The following RAPH1 variants were observed in gnomAD, a reference collection of about 807,000 sequenced individuals.
RAPH1 encodes the protein ras-associated and pleckstrin homology domains-containing protein 1.
In RAPH1, 18 loss-of-function variants were observed where a neutral mutation model predicts 88.1. That is an observed-to-expected ratio of 0.20 (90% confidence interval 0.14 to 0.30). The LOEUF (loss-of-function observed/expected upper bound fraction) is 0.30. RAPH1 is among the 10% of genes least tolerant of loss of function. The pLI, the probability that RAPH1 is intolerant of heterozygous loss-of-function variation, is 1.00. For missense variants in RAPH1, 1,448 were observed against 1,543.2 expected (o/e 0.94, Z 1.03); for synonymous variants, 587 against 559.0 (o/e 1.05, Z -0.71).
At chr2:203,458,111 C>T (rs2098521263) in intron 7 of RAPH1, among the ~76,000 whole-genome samples, 1 of 152,100 alleles carries the variant, frequency 6.6e-6, no homozygotes. Flanking sequence ...GTGGCTCACA[C>T]CTGTAATCCC....
intron 1 of RAPH1, among the ~76,000 whole-genome samples, chr2:203,523,415 A>G (rs1470230364): frequency 6.6e-6 from 1 of 151,100 alleles, no homozygotes; most frequent in Admixed American, 6.6e-5. Flanking sequence ...AAACCACGTC[A>G]GAACTGAGGT....
At chr2:203,441,466 C>T in intron 13 of RAPH1, 53 bp from the exon 14 acceptor site, 2 of 1,484,184 alleles carry the variant, frequency 1.3e-6, no homozygotes, top group Middle Eastern at 2.4e-4. Context: ...ACAAACAAAA[C>T]AGTTACAGAG....
intron 1 of RAPH1, among the ~76,000 whole-genome samples, chr2:203,505,398 TCACAAGACTAG>T (rs1348010015): frequency 8.6e-5 from 13 of 151,832 alleles, no homozygotes; most frequent in Non-Finnish European, 1.9e-4. Flanking sequence ...TTATTCACTA[TCACAAGACTAG>T]CACAAGAAAG....
chr2:203,444,816 A>G, intron 13 of RAPH1, 52 bp downstream of exon 13: 1 of 1,564,324 alleles, frequency 6.4e-7, no homozygotes, highest in Non-Finnish European at 8.8e-7. Flanking sequence ...AACAATTTAA[A>G]CCCAAAAGAA....
chr2:203,515,745 G>A (rs1234009815), intron 1 of RAPH1, among the ~76,000 whole-genome samples: 1 of 152,190 alleles, frequency 6.6e-6, no homozygotes, highest in Non-Finnish European at 1.5e-5. Context: ...AGTGTTGAGA[G>A]AAACCAACCA....
At chr2:203,442,472 G>A (rs534547344) in intron 13 of RAPH1, 4 of 156,932 alleles carry the variant, frequency 2.5e-5, no homozygotes, top group African/African-American at 9.6e-5. Context: ...CTCATTATAG[G>A]GCTGAATTCT....
intron 1 of RAPH1, among the ~76,000 whole-genome samples, chr2:203,502,742 C>A (rs1688792023): frequency 6.7e-6 from 1 of 149,372 alleles, no homozygotes; most frequent in African/African-American, 2.5e-5. Flanking sequence ...ATGGCGTGAA[C>A]CCTGGAGGTG....
intron 1 of RAPH1, among the ~76,000 whole-genome samples, chr2:203,503,036 C>A (rs917448393): frequency 1.3e-5 from 2 of 151,822 alleles, no homozygotes; most frequent in Non-Finnish European, 2.9e-5. Context: ...CCCAGCTACT[C>A]GGGAGGCTGA....
chr2:203,496,482 A>C (rs1402909051), intron 1 of RAPH1, among the ~76,000 whole-genome samples: 1 of 152,234 alleles, frequency 6.6e-6, no homozygotes, highest in East Asian at 1.9e-4. Flanking sequence ...GATAAATATA[A>C]ATATTTCAAT....
chr2:203,506,780 CTAGA>C (rs1461420528), intron 1 of RAPH1, among the ~76,000 whole-genome samples: 6 of 77,686 alleles, frequency 7.7e-5, no homozygotes, highest in African/African-American at 2.7e-4. Flanking sequence ...CTATATATAT[CTAGA>C]TATATATATC....
At chr2:203,513,292 CTATT>C (rs1379283937) in intron 1 of RAPH1, among the ~76,000 whole-genome samples, 2 of 149,994 alleles carry the variant, frequency 1.3e-5, no homozygotes, top group African/African-American at 4.9e-5. Context: ...TGAATTTCTA[CTATT>C]TAATTACTGA....
chr2:203,527,337 C>A (rs1160779623), intron 1 of RAPH1, among the ~76,000 whole-genome samples: 6 of 152,068 alleles, frequency 3.9e-5, no homozygotes, highest in Non-Finnish European at 8.8e-5. Flanking sequence ...CATAAGTATT[C>A]TGGTATTAAA....
chr2:203,461,352 C>G lies in RAPH1; in HGVS notation c.867G>C (p.Glu289Asp), dbSNP rs759600523. The G allele has an allele frequency of 9.9e-6, 16 of 1,610,698 alleles. No individual in the cohort carries two copies. In the South Asian group the frequency reaches 1.5e-4, roughly 16 times the overall value. The change falls in exon 6 of 14, where the codon GAG becomes GAC. Residue 289 changes from glutamate to aspartate, a missense_variant. Physicochemically the swap from Glu to Asp is conservative, Grantham distance 45 (BLOSUM62 2). Around this residue, in one of 2 missense-constraint regions of RAPH1, gnomAD observed 513 missense variants for 653.1 expected, o/e 0.79. Coordinates refer to ENST00000319170, the MANE Select transcript of RAPH1 (RefSeq NM_213589.3). Reference protein sequence around the residue: ...DDSSKTMMVDERQTVRQVLDN... With the variant: ...DDSSKTMMVDDRQTVRQVLDN... ...CCAGTACTTGTCTTACTGTCTGCCT[C>G]TCATCCACCATCATTGTTTTAGAAC...
intron 2 of RAPH1, 94 bp from the exon 3 acceptor site, chr2:203,491,413 C>T: frequency 2.7e-6 from 2 of 745,702 alleles, no homozygotes; most frequent in Admixed American, 2.8e-5. Flanking sequence ...TGAACTGCCA[C>T]ACTATAATTA....
intron 4 of RAPH1, among the ~76,000 whole-genome samples, chr2:203,465,320 A>G (rs1237667616): frequency 1.3e-5 from 2 of 152,228 alleles, no homozygotes; most frequent in African/African-American, 2.4e-5. Flanking sequence ...AAATGAAATG[A>G]GCTCTCAAGC....
chr2:203,457,361 A>G (rs905936024), intron 8 of RAPH1, among the ~76,000 whole-genome samples, 169 bp downstream of exon 8: 1 of 151,512 alleles, frequency 6.6e-6, no homozygotes, highest in Non-Finnish European at 1.5e-5. Context: ...TAATTTTTTT[A>G]TTTTTTAACA....
intron 1 of RAPH1, among the ~76,000 whole-genome samples, chr2:203,508,221 C>CAA (rs768340713): frequency 4.8e-4 from 28 of 58,436 alleles, no homozygotes; most frequent in South Asian, 2.0e-3. Context: ...GACTCTGTCT[C>CAA]AAAAAAAAAA....
chr2:203,441,588 T>G lies in RAPH1; in HGVS notation c.1777-175A>C. On this transcript the variant is annotated intron_variant, in intron 13 of 13. Transcript: ENST00000319170. Reference sequence around the variant, plus strand: ...GGACAATGTCAGGAAGGCTAAAATCTGATTGTGCGGGCAAGAAGGAAACAG... The same window carrying G: ...GGACAATGTCAGGAAGGCTAAAATCGGATTGTGCGGGCAAGAAGGAAACAG... 6 of 1,357,266 alleles carry G rather than the reference T, an allele frequency of 4.4e-6. No homozygotes were observed. The South Asian group carries it at 1.0e-4, about 23-fold the overall frequency. The allele number at this position is 1,357,266 out of a possible 1,614,324, so 84.1% of individuals were successfully genotyped here.
chr2:203,510,449 G>A (rs1439813646), intron 1 of RAPH1, among the ~76,000 whole-genome samples: 1 of 151,896 alleles, frequency 6.6e-6, no homozygotes, highest in Non-Finnish European at 1.5e-5. Context: ...GAAGCCAGAG[G>A]ATTAAGAGAA....
Sources: allele counts gnomAD v4.1 joint callset (sites outside exome capture counted in the v4.1 genomes callset), GRCh38; gene constraint gnomAD v4.1.1; regional missense constraint gnomAD v4.1.1; transcripts MANE v1.5; gene names NCBI Gene and HGNC (gene_info 2026-07-23, HGNC 2026-07-21).